TTC29: variants seen among roughly 807,000 people sequenced by gnomAD.
TTC29 encodes tetratricopeptide repeat domain 29, also known as tetratricopeptide repeat protein 29.
Under a neutral mutation model 58.1 loss-of-function variants are expected in TTC29, and 49 were observed. That is an observed-to-expected ratio of 0.84 (90% confidence interval 0.67 to 1.07). The LOEUF (loss-of-function observed/expected upper bound fraction) is 1.07. Ranked by LOEUF, TTC29 falls within the 50% of genes least tolerant of loss-of-function variation. The pLI, the probability that TTC29 is intolerant of heterozygous loss-of-function variation, is 0.00. For synonymous variants in TTC29, 209 were observed against 196.8 expected (o/e 1.06, Z -0.52); for missense variants, 582 against 555.6 (o/e 1.05, Z -0.48).
intron 11 of TTC29, among the ~76,000 whole-genome samples, chr4:146,739,905 T>C (rs1249726089): frequency 2.0e-5 from 3 of 152,116 alleles, no homozygotes; most frequent in Non-Finnish European, 1.5e-5. Flanking sequence ...TGCAGGTAGG[T>C]GTGGCTGGGA....
intron 4 of TTC29, among the ~76,000 whole-genome samples, chr4:146,917,298 T>C (rs913380096): frequency 6.7e-6 from 1 of 149,600 alleles, no homozygotes; most frequent in African/African-American, 2.4e-5. Flanking sequence ...ATTGAACATA[T>C]AATGAACACA....
intron 4 of TTC29, among the ~76,000 whole-genome samples, chr4:146,926,365 T>C (rs28507061): frequency 0.015 from 2,240 of 152,328 alleles, 47 homozygotes; most frequent in African/African-American, 0.051. Context: ...TGTTCCCTCA[T>C]AGTAACTGTA....
intron 10 of TTC29, among the ~76,000 whole-genome samples, chr4:146,805,007 G>A (rs1030480659): frequency 6.6e-6 from 1 of 152,158 alleles, no homozygotes; most frequent in African/African-American, 2.4e-5. Context: ...TCTGGAGGGT[G>A]CCCCTCTGGG....
intron 10 of TTC29, among the ~76,000 whole-genome samples, chr4:146,814,171 T>C (rs73852707): frequency 0.056 from 8,522 of 152,270 alleles, 832 homozygotes; most frequent in African/African-American, 0.19. Context: ...GAGGCAGATA[T>C]AGTTTCCGCT....
chr4:146,931,748 A>G (rs942092322), intron 4 of TTC29, among the ~76,000 whole-genome samples: 19 of 152,206 alleles, frequency 1.2e-4, no homozygotes, highest in African/African-American at 4.3e-4. Context: ...CTCCTAAAGG[A>G]CACAAAGATA....
chr4:146,783,301 T>G (rs1748757268), intron 11 of TTC29, among the ~76,000 whole-genome samples: 1 of 151,920 alleles, frequency 6.6e-6, no homozygotes. Flanking sequence ...TGTCTCTTGT[T>G]TAGCTTCCTA....
chr4:146,844,817 C>T (rs1729065018), intron 8 of TTC29, among the ~76,000 whole-genome samples: 1 of 152,122 alleles, frequency 6.6e-6, no homozygotes, highest in Non-Finnish European at 1.5e-5. Context: ...AAATTCTGTG[C>T]AATGTAAGAT....
intron 9 of TTC29, among the ~76,000 whole-genome samples, chr4:146,827,223 C>T (rs1216654069): frequency 1.3e-5 from 2 of 152,180 alleles, no homozygotes; most frequent in Non-Finnish European, 2.9e-5. Flanking sequence ...TCTTCCCTCT[C>T]TCCGTGGGTC....
At chr4:146,891,736 GC>G (rs772730572) in intron 6 of TTC29, among the ~76,000 whole-genome samples, 2 of 152,174 alleles carry the variant, frequency 1.3e-5, no homozygotes, top group Non-Finnish European at 2.9e-5. Context: ...ACAGAACCAT[GC>G]TGAGGCACAG....
At chr4:146,816,897 A>G (rs1267764841) in intron 10 of TTC29, among the ~76,000 whole-genome samples, 1 of 152,202 alleles carries the variant, frequency 6.6e-6, no homozygotes, top group Non-Finnish European at 1.5e-5. Context: ...AGAATACTGT[A>G]GTGGTTAGGA....
chr4:146,937,708 C>T (rs1320014947), intron 3 of TTC29, 31 bp from the exon 4 acceptor site: 2 of 1,298,186 alleles, frequency 1.5e-6, no homozygotes, highest in Admixed American at 2.6e-5. Context: ...TAATAAAGCA[C>T]AGCCTTATCA....
intron 11 of TTC29, among the ~76,000 whole-genome samples, chr4:146,762,346 C>CT (rs34223852): frequency 0.37 from 51,024 of 136,648 alleles, 9,498 homozygotes; most frequent in Admixed American, 0.46. Context: ...AGTGTAATTT[C>CT]TTTTTTTTTT....
intron 11 of TTC29, among the ~76,000 whole-genome samples, chr4:146,783,340 A>ATT (rs200397702): frequency 2.6e-4 from 37 of 144,196 alleles, no homozygotes; most frequent in South Asian, 2.2e-3. Context: ...CCTCTTCTTC[A>ATT]TTTTTTTTTT....
chr4:146,831,677 T>C (rs568391124), intron 9 of TTC29: 2 of 435,104 alleles, frequency 4.6e-6, no homozygotes, highest in African/African-American at 2.0e-5. Context: ...ATTGTTCAAC[T>C]CTTCACTTAG....
intron 11 of TTC29, among the ~76,000 whole-genome samples, chr4:146,795,824 AT>A (rs1749797668): frequency 6.6e-6 from 1 of 152,176 alleles, no homozygotes; most frequent in African/African-American, 2.4e-5. Context: ...GGAGAGGATC[AT>A]TTTGCTTCCA....
chr4:146,833,042 G>A (rs971812574), intron 9 of TTC29, among the ~76,000 whole-genome samples: 3 of 152,044 alleles, frequency 2.0e-5, no homozygotes, highest in African/African-American at 7.2e-5. Context: ...AAGTACAAAT[G>A]GGAAGAAATT....
At chr4:146,871,939 A>G (rs975770068) in intron 7 of TTC29, among the ~76,000 whole-genome samples, 1 of 152,060 alleles carries the variant, frequency 6.6e-6, no homozygotes, top group Non-Finnish European at 1.5e-5. Flanking sequence ...GTTGAAAACA[A>G]CTAAAGCAAA....
chr4:146,714,873 CTT>C (rs1457305015), intron 11 of TTC29, among the ~76,000 whole-genome samples: 1 of 152,104 alleles, frequency 6.6e-6, no homozygotes, highest in African/African-American at 2.4e-5. Context: ...TAATTGTAAA[CTT>C]CTTCTTTTAT....
In TTC29 at chr4:146,812,608, C is replaced by T. The variant is rs1329825596; in HGVS notation, c.1101+7517G>A. 2.0e-5 allele frequency: 3 copies of T among 152,168 alleles called. 1 individual carries two copies. The South Asian group carries it at 6.2e-4, about 32-fold the overall frequency. The allele number at this position is 152,168 out of a possible 1,614,324, so 9.4% of individuals were successfully genotyped here. On this transcript the variant is annotated intron_variant, in intron 10 of 12. Coordinates refer to ENST00000325106, the MANE Select transcript of TTC29 (RefSeq NM_031956.4). ...TATAATTAGCTAATTATTATTCCCT[C>T]AAATTGTACTTAGTATTCCATCTGT...
Sources: gnomAD v4.1 joint callset for allele counts (sites outside exome capture counted in the v4.1 genomes callset) on GRCh38, gnomAD v4.1.1 for gene constraint, MANE v1.5 for transcripts, NCBI Gene and HGNC (gene_info 2026-07-23, HGNC 2026-07-21) for gene names.